The following UXS1 variants were observed in gnomAD, a reference collection of about 807,000 sequenced individuals.
The protein encoded by UXS1 is UDP-glucuronate decarboxylase 1.
A neutral mutation model predicts 62.6 loss-of-function variants in UXS1; 33 were observed. The ratio of observed to expected loss-of-function variants is 0.53; its 90% CI spans 0.40 to 0.70. UXS1 has a LOEUF of 0.70. Among genes scored for constraint, UXS1 ranks in the 30% least tolerant of loss-of-function variants. The probability of loss-of-function intolerance (pLI) is 0.00; values close to 1 mark genes in which losing one functional copy is unlikely to be tolerated. For synonymous variants in UXS1, 213 were observed against 206.8 expected (o/e 1.03, Z -0.26); for missense variants, 434 against 556.3 (o/e 0.78, Z 2.21).
intron 1 of UXS1, among the ~76,000 whole-genome samples, chr2:106,171,293 C>G (rs1683539759): frequency 3.4e-5 from 1 of 29,426 alleles, no homozygotes; most frequent in South Asian, 3.0e-3. Context: ...AATGCTAACC[C>G]AACACTTTCA....
intron 1 of UXS1, among the ~76,000 whole-genome samples, chr2:106,181,732 T>A (rs982086026): frequency 2.0e-5 from 3 of 152,060 alleles, no homozygotes; most frequent in Non-Finnish European, 4.4e-5. Context: ...AATAAATAAA[T>A]TTTTTTAAAA....
At chr2:106,108,877 T>A (rs1271403198) in intron 10 of UXS1, among the ~76,000 whole-genome samples, 1 of 152,206 alleles carries the variant, frequency 6.6e-6, no homozygotes, top group Non-Finnish European at 1.5e-5. Flanking sequence ...GGCCCATTTG[T>A]GCACTTCCTT....
chr2:106,178,906 T>C (rs1364553662), intron 1 of UXS1, among the ~76,000 whole-genome samples: 1 of 152,234 alleles, frequency 6.6e-6, no homozygotes, highest in Non-Finnish European at 1.5e-5. Flanking sequence ...GACCAAGAAA[T>C]AATCAGCGTC....
At chr2:106,101,232 C>A (rs1677575161) in intron 11 of UXS1, 114 bp from the exon 12 acceptor site, 1 of 1,089,352 alleles carries the variant, frequency 9.2e-7, no homozygotes, top group Non-Finnish European at 1.3e-6. Flanking sequence ...AAAACAAAAA[C>A]CCAAATGGAA....
chr2:106,157,423 A>C (rs910349904), intron 5 of UXS1, among the ~76,000 whole-genome samples: 4 of 152,228 alleles, frequency 2.6e-5, no homozygotes, highest in Non-Finnish European at 4.4e-5. Flanking sequence ...GTGGTCTGTG[A>C]GCTAGAAAAG....
At chr2:106,187,257 G>T (rs1397825820) in intron 1 of UXS1, among the ~76,000 whole-genome samples, 1 of 152,062 alleles carries the variant, frequency 6.6e-6, no homozygotes, top group African/African-American at 2.4e-5. Flanking sequence ...GCTCCTACAG[G>T]CCTAGGAGGA....
chr2:106,160,212 TCA>T (rs1491147154), intron 4 of UXS1: 2 of 152,362 alleles, frequency 1.3e-5, no homozygotes, highest in East Asian at 3.9e-4. Flanking sequence ...ACTGTAAATC[TCA>T]GAGTTATTTG....
intron 2 of UXS1, 51 bp from the exon 3 acceptor site, chr2:106,164,850 G>A: frequency 7.1e-7 from 1 of 1,411,432 alleles, no homozygotes; most frequent in Non-Finnish European, 9.6e-7. Flanking sequence ...GACTGTTTCT[G>A]AATAAATTAC....
chr2:106,103,794 A>T (rs538718730), intron 11 of UXS1, among the ~76,000 whole-genome samples: 1 of 152,334 alleles, frequency 6.6e-6, no homozygotes, highest in African/African-American at 2.4e-5. Flanking sequence ...GGAAATTCAC[A>T]AATACTTTCA....
At chr2:106,185,755 T>C (rs1425907269) in intron 1 of UXS1, among the ~76,000 whole-genome samples, 1 of 152,182 alleles carries the variant, frequency 6.6e-6, no homozygotes, top group Non-Finnish European at 1.5e-5. Context: ...GCTCTAAATC[T>C]AGTGACAAAT....
chr2:106,170,868 T>C (rs72836623), intron 1 of UXS1, among the ~76,000 whole-genome samples: 13 of 152,402 alleles, frequency 8.5e-5, no homozygotes, highest in Non-Finnish European at 1.5e-4. Context: ...TTGAGTTATT[T>C]TGACCCACCT....
intron 14 of UXS1, among the ~76,000 whole-genome samples, chr2:106,094,439 G>A (rs368240758): frequency 1.1e-4 from 16 of 152,212 alleles, no homozygotes; most frequent in South Asian, 6.2e-4. Context: ...AAAAGACCCC[G>A]ACTACCTCTT....
intron 14 of UXS1, among the ~76,000 whole-genome samples, chr2:106,096,208 G>A (rs1311414855): frequency 6.6e-6 from 1 of 151,966 alleles, no homozygotes; most frequent in Non-Finnish European, 1.5e-5. Flanking sequence ...GTGTGTGTAT[G>A]TATGTGGGAG....
At chr2:106,137,913 T>C (rs1680792681) in intron 6 of UXS1, among the ~76,000 whole-genome samples, 1 of 152,224 alleles carries the variant, frequency 6.6e-6, no homozygotes, top group African/African-American at 2.4e-5. Context: ...ACCTGGAGCC[T>C]GCTGCCACCT....
At chr2:106,109,150 C>T (rs1678364117) in intron 10 of UXS1, among the ~76,000 whole-genome samples, 1 of 152,020 alleles carries the variant, frequency 6.6e-6, no homozygotes, top group Admixed American at 6.6e-5. Flanking sequence ...CTTGCCTGTG[C>T]TGTATTTGGA....
At chr2:106,127,877 T>C (rs916277273) in intron 7 of UXS1, among the ~76,000 whole-genome samples, 4 of 152,178 alleles carry the variant, frequency 2.6e-5, no homozygotes, top group African/African-American at 9.7e-5. Context: ...TCGAGTCATT[T>C]TTGCCTTTAA....
At chr2:106,145,466 C>A (rs770199306) in intron 5 of UXS1, 96 bp from the exon 6 acceptor site, 1 of 1,421,642 alleles carries the variant, frequency 7.0e-7, no homozygotes, top group Non-Finnish European at 9.3e-7. Context: ...GGTGCAGCCA[C>A]GACTTAAAAC....
At chr2:106,159,004 T>A (rs1343203297) in intron 4 of UXS1, 1 of 152,184 alleles carries the variant, frequency 6.6e-6, no homozygotes, top group African/African-American at 2.4e-5. Flanking sequence ...CAGCCAATCG[T>A]TTCAGCTCCC....
At chr2:106,169,910 C>A (rs1055537699) in intron 1 of UXS1, among the ~76,000 whole-genome samples, 1 of 152,096 alleles carries the variant, frequency 6.6e-6, no homozygotes, top group Admixed American at 6.5e-5. Flanking sequence ...GAATGATGTC[C>A]AAGCCACAGC....
Sources: gnomAD v4.1 joint callset for allele counts (sites outside exome capture counted in the v4.1 genomes callset) on GRCh38, gnomAD v4.1.1 for gene constraint, MANE v1.5 for transcripts, NCBI Gene and HGNC (gene_info 2026-07-23, HGNC 2026-07-21) for gene names.